The following OXR1 variants were observed in gnomAD, a reference collection of about 807,000 sequenced individuals.
OXR1 encodes the protein oxidation resistance 1, also known as oxidation resistance protein 1.
Under a neutral mutation model 104.6 loss-of-function variants are expected in OXR1, and 41 were observed. The ratio of observed to expected loss-of-function variants is 0.39; its 90% CI spans 0.31 to 0.51. OXR1 has a LOEUF of 0.51. Ranked by LOEUF, OXR1 falls within the 20% of genes least tolerant of loss-of-function variation. OXR1 has a pLI of 0.77. For synonymous variants in OXR1, 348 were observed against 348.4 expected (o/e 1.00, Z 0.01); for missense variants, 955 against 1,031.9 (o/e 0.93, Z 1.02).
chr8:106,471,032 A>G (rs1416568893), intron 2 of OXR1, among the ~76,000 whole-genome samples: 1 of 151,734 alleles, frequency 6.6e-6, no homozygotes, highest in Non-Finnish European at 1.5e-5. Context: ...TAGAGACAAT[A>G]AATATGAGTC....
At chr8:106,726,133 T>C in intron 11 of OXR1, 2 of 1,420,016 alleles carry the variant, frequency 1.4e-6, no homozygotes, top group Non-Finnish European at 1.8e-6. Context: ...CAAACTGTTT[T>C]GTCACTGTAG....
intron 11 of OXR1, among the ~76,000 whole-genome samples, chr8:106,727,404 G>A (rs1397266018): frequency 2.0e-5 from 3 of 151,972 alleles, no homozygotes; most frequent in African/African-American, 4.8e-5. Flanking sequence ...CACGTCCAAG[G>A]CCTGTTCATT....
At chr8:106,340,150 C>T (rs1004459238) in intron 1 of OXR1, among the ~76,000 whole-genome samples, 30 of 151,152 alleles carry the variant, frequency 2.0e-4, no homozygotes, top group African/African-American at 7.3e-4. Context: ...ACCATAACTC[C>T]GGTTTTTGTA....
chr8:106,655,880 A>C (rs2131045697), intron 3 of OXR1, among the ~76,000 whole-genome samples: 1 of 152,260 alleles, frequency 6.6e-6, no homozygotes, highest in African/African-American at 2.4e-5. Flanking sequence ...AAAACCCAAA[A>C]CAGATGGGTT....
chr8:106,328,208 G>A (rs1470147633), intron 1 of OXR1, among the ~76,000 whole-genome samples: 1 of 152,174 alleles, frequency 6.6e-6, no homozygotes, highest in South Asian at 2.1e-4. Flanking sequence ...GCTATATTTG[G>A]CCATTCTTAG....
intron 3 of OXR1, among the ~76,000 whole-genome samples, chr8:106,590,491 T>C (rs1488460970): frequency 6.6e-6 from 1 of 152,216 alleles, no homozygotes; most frequent in Non-Finnish European, 1.5e-5. Flanking sequence ...TTTCACCATG[T>C]TGGCCAGGAT....
chr8:106,499,538 T>C (rs1308685811), intron 2 of OXR1, among the ~76,000 whole-genome samples: 2 of 152,226 alleles, frequency 1.3e-5, no homozygotes, highest in East Asian at 1.9e-4. Context: ...CATAAACTTA[T>C]GTGATACTTT....
At chr8:106,356,437 T>C (rs1044844118) in intron 1 of OXR1, among the ~76,000 whole-genome samples, 3 of 152,218 alleles carry the variant, frequency 2.0e-5, no homozygotes, top group Non-Finnish European at 2.9e-5. Flanking sequence ...TCTTCAGTTA[T>C]ACTAAATTGT....
At chr8:106,686,960 A>G (rs1371401277) in intron 6 of OXR1, among the ~76,000 whole-genome samples, 2 of 152,200 alleles carry the variant, frequency 1.3e-5, no homozygotes, top group African/African-American at 2.4e-5. Flanking sequence ...TGCAACAGGT[A>G]TAATTCTAAG....
At chr8:106,455,347 A>T (rs369216327) in intron 2 of OXR1, among the ~76,000 whole-genome samples, 47 of 152,320 alleles carry the variant, frequency 3.1e-4, no homozygotes, top group African/African-American at 1.1e-3. Flanking sequence ...TATCTTCACA[A>T]TTTTTACACT....
intron 3 of OXR1, among the ~76,000 whole-genome samples, chr8:106,652,323 T>G (rs560599516): frequency 8.3e-4 from 126 of 152,104 alleles, no homozygotes; most frequent in African/African-American, 2.8e-3. Context: ...ATGGAAGGCC[T>G]TAAAAATGAA....
At chr8:106,531,852 C>T (rs16892422) in intron 3 of OXR1, among the ~76,000 whole-genome samples, 5,418 of 152,138 alleles carry the variant, frequency 0.036, 347 homozygotes, top group African/African-American at 0.12. Flanking sequence ...GAAAAACACT[C>T]GTGTAAATAA....
At chr8:106,458,866 C>G (rs1820752244) in intron 2 of OXR1, among the ~76,000 whole-genome samples, 1 of 152,156 alleles carries the variant, frequency 6.6e-6, no homozygotes, top group South Asian at 2.1e-4. Flanking sequence ...AATGTATACC[C>G]AATACCTGTC....
chr8:106,655,193 CTCAGGT>C (rs1197438094), intron 3 of OXR1, among the ~76,000 whole-genome samples: 1 of 151,972 alleles, frequency 6.6e-6, no homozygotes, highest in Non-Finnish European at 1.5e-5. Context: ...GATGGAAATG[CTCAGGT>C]TCAAAGATTA....
intron 1 of OXR1, among the ~76,000 whole-genome samples, chr8:106,290,594 T>C (rs1256430340): frequency 6.6e-6 from 1 of 151,800 alleles, no homozygotes; most frequent in Non-Finnish European, 1.5e-5. Context: ...CTTAAATCAA[T>C]AGCCAAAAAA....
intron 2 of OXR1, among the ~76,000 whole-genome samples, chr8:106,453,858 T>C (rs1025845735): frequency 7.7e-6 from 1 of 129,338 alleles, no homozygotes; most frequent in Non-Finnish European, 1.6e-5. Context: ...GAGTAGCCCA[T>C]TTCATCAAAT....
chr8:106,313,536 G>T (rs1336636888), intron 1 of OXR1, among the ~76,000 whole-genome samples: 1 of 152,082 alleles, frequency 6.6e-6, no homozygotes, highest in African/African-American at 2.4e-5. Context: ...TTTTACTGTG[G>T]AAGGATATTT....
chr8:106,617,932 A>C (rs1238144815), intron 3 of OXR1: 2 of 781,132 alleles, frequency 2.6e-6, no homozygotes, highest in Admixed American at 1.2e-4. Flanking sequence ...GTGAGCCAAG[A>C]GCAAGTCCAC....
intron 1 of OXR1, among the ~76,000 whole-genome samples, chr8:106,307,525 G>A (rs1247849586): frequency 6.6e-6 from 1 of 151,638 alleles, no homozygotes; most frequent in Non-Finnish European, 1.5e-5. Flanking sequence ...TTAACTCTTC[G>A]GTTCCCATAC....
Sources: gnomAD v4.1 joint callset for allele counts (sites outside exome capture counted in the v4.1 genomes callset) on GRCh38, gnomAD v4.1.1 for gene constraint, MANE v1.5 for transcripts, NCBI Gene and HGNC (gene_info 2026-07-23, HGNC 2026-07-21) for gene names.